Variants in SLC45A1 observed in about 807,000 individuals in gnomAD.
SLC45A1 encodes the protein solute carrier family 45 member 1.
Under a neutral mutation model 57.6 loss-of-function variants are expected in SLC45A1, and 28 were observed. The observed-to-expected ratio is 0.49, with a 90% CI of 0.36 to 0.67. SLC45A1 has a LOEUF of 0.67. Ranked by LOEUF, SLC45A1 falls within the 30% of genes least tolerant of loss-of-function variation. SLC45A1 has a pLI of 0.00. For synonymous variants in SLC45A1, 459 were observed against 471.5 expected, an observed-to-expected ratio of 0.97 and a Z score of 0.34; for missense variants, 814 against 1,041.5, an observed-to-expected ratio of 0.78 and a Z score of 3.01.
At position 8,335,707 on chromosome 1, in the gene SLC45A1, C is replaced by A; in HGVS notation, c.1597+117C>A. On this transcript the variant is annotated intron_variant, in intron 6 of 8. Coordinates refer to ENST00000471889, the MANE Select transcript of SLC45A1 (RefSeq NM_001080397.3). The surrounding 1 kb of genome is among the most constrained non-coding windows in gnomAD (Gnocchi z 4.1). Reference sequence around the variant, plus strand: ...CCAGAACCTTTCTGAGTTCACCAGCCCCCAACAACAGCACCAAGGGCAGGC... The same window carrying A: ...CCAGAACCTTTCTGAGTTCACCAGCACCCAACAACAGCACCAAGGGCAGGC... 8.4e-7 allele frequency: 1 copy of A among 1,186,512 alleles called. No individual in the cohort carries two copies. Among genetic ancestry groups the A allele is most frequent in the Non-Finnish European group, 1.1e-6 (1 of 873,072 alleles). The allele number at this position is 1,186,512 out of a possible 1,614,324, so 73.5% of individuals were successfully genotyped here.
intron 8 of SLC45A1, among the ~76,000 whole-genome samples, chr1:8,342,667 T>G (rs1640863640): frequency 6.6e-6 from 1 of 152,074 alleles, no homozygotes; most frequent in Non-Finnish European, 1.5e-5. Flanking sequence ...GACTTTGAAA[T>G]CTTAAAATGC....
intron 5 of SLC45A1, among the ~76,000 whole-genome samples, chr1:8,333,034 C>T (rs557909928): frequency 6.0e-4 from 92 of 152,236 alleles, no homozygotes; most frequent in African/African-American, 2.2e-3. Flanking sequence ...CTTCACTCGG[C>T]CGCAGACGCA....
chr1:8,341,736 A>G (rs888276656), intron 8 of SLC45A1, among the ~76,000 whole-genome samples: 2 of 150,798 alleles, frequency 1.3e-5, no homozygotes, highest in African/African-American at 4.9e-5. Context: ...CAGCCTGGCC[A>G]ACATGACGAA....
At chr1:8,318,441 G>A (rs1477443513) in intron 1 of SLC45A1, among the ~76,000 whole-genome samples, 1 of 152,246 alleles carries the variant, frequency 6.6e-6, no homozygotes, top group African/African-American at 2.4e-5. Context: ...TTGCTGGCAA[G>A]GGGAGGAGAC....
chr1:8,325,396 T>C lies in SLC45A1; in HGVS notation c.490+6T>C. 6.3e-7 allele frequency: 1 copy of C among 1,590,236 alleles called. No homozygotes were observed. Among genetic ancestry groups the C allele is most frequent in the East Asian group, 2.2e-5 (1 of 44,706 alleles). ...CATTCTTGTCCTGGCTATAGGTCTG[T>C]TGTTTTGGCATGGAAATAAAATGGA... On this transcript the variant is annotated splice_donor_region_variant and intron_variant, in intron 3 of 8. Coordinates refer to ENST00000471889, the MANE Select transcript of SLC45A1 (RefSeq NM_001080397.3). The surrounding 1 kb of genome is among the most constrained non-coding windows in gnomAD (Gnocchi z 6.3).
At position 8,328,043 on chromosome 1, in the gene SLC45A1, T is replaced by TTAAAA. The variant is rs562677623; in HGVS notation, c.715+2014_715+2018dup. 15 of 152,104 alleles carry TTAAAA rather than the reference T, an allele frequency of 9.9e-5. No homozygotes were observed. The East Asian group carries it at 2.7e-3, about 27-fold the overall frequency. The allele number at this position is 152,104 out of a possible 1,614,324, so 9.4% of individuals were successfully genotyped here. A position where few individuals can be genotyped will look rare whatever the true frequency, so the allele number is the denominator to read the frequency against. On this transcript the variant is annotated intron_variant, in intron 4 of 8. Transcript: ENST00000471889. The surrounding 1 kb of genome is among the most constrained non-coding windows in gnomAD (Gnocchi z 4.6). ...GAGACTTCATCTCAAAATAAATAAATTAAAATAAAATAAAATAGCAATTGG... is the reference window on the plus strand; with the variant it reads ...GAGACTTCATCTCAAAATAAATAAATTAAAATAAAATAAAATAAAATAGCAATTGG...
rs1416485575 is a variant in SLC45A1 at position 8,318,154 on chromosome 1, G to C, written c.-57G>C. 4.4e-6 allele frequency: 2 copies of C among 452,072 alleles called. No homozygotes were observed. The highest frequency in any genetic ancestry group is 7.1e-5 in the East Asian group (2 of 28,260). 28.0% of individuals were successfully genotyped at this position (452,072 alleles called of 1,614,324 possible). On this transcript the variant is annotated 5_prime_UTR_variant, in exon 1 of 9. Transcript: ENST00000471889. ...GCGGCCGGGCAGGCAGCAGCCCAGC[G>C]GGGACAGGGATGCCTGCCGTCTCCA...
chr1:8,321,957 A>AAGTGGATGGGTGGATG lies in SLC45A1; in HGVS notation c.-24-2335_-24-2320dup, dbSNP rs1557557266. Among the ~76,000 whole-genome samples, 4 of 54,484 alleles carry AAGTGGATGGGTGGATG rather than the reference A, an allele frequency of 7.3e-5. No individual in the cohort carries two copies. The Admixed American group carries it at 7.9e-4, about 11-fold the overall frequency. 35.7% of individuals were successfully genotyped at this position (54,484 alleles called of 152,430 possible). On this transcript the variant is annotated intron_variant, in intron 1 of 8. Transcript: ENST00000471889. Reference sequence around the variant, plus strand: ...TGGATGGATACGTGGATGGGTGGGCAAGTGGATGGGTGGATGAGTGGATGG... The same window carrying AAGTGGATGGGTGGATG: ...TGGATGGATACGTGGATGGGTGGGCAAGTGGATGGGTGGATGAGTGGATGGGTGGATGAGTGGATGG...
Position 8,344,025 on chromosome 1 carries a change from C to G in SLC45A1, c.*12C>G. The G allele has an allele frequency of 6.3e-7, 1 of 1,599,038 alleles. No individual in the cohort carries two copies. The highest frequency in any genetic ancestry group is 8.5e-7 in the Non-Finnish European group (1 of 1,170,812). ...TGCTGAACGTCTGACATCGCGGAGC[C>G]TCGACTCCGGACACGCGCCTGCACC... On this transcript the variant is annotated 3_prime_UTR_variant, in exon 9 of 9. Transcript: ENST00000471889.
chr1:8,325,786 T>C lies in SLC45A1; in HGVS notation c.491-32T>C, dbSNP rs369624853. On this transcript the variant is annotated intron_variant, in intron 3 of 8. Coordinates refer to ENST00000471889, the MANE Select transcript of SLC45A1 (RefSeq NM_001080397.3). This position sits in a 1 kb window ranked among gnomAD's most constrained non-coding sequence, Gnocchi z 6.3. Reference sequence around the variant, plus strand: ...GCCGGGGACAGAGCTGGTCTGCATTTTCTTGGGGTGACTTTGTTTCTCTGT... The same window carrying C: ...GCCGGGGACAGAGCTGGTCTGCATTCTCTTGGGGTGACTTTGTTTCTCTGT... The C allele has an allele frequency of 6.9e-6, 11 of 1,597,722 alleles. No homozygotes were observed. The African/African-American group carries it at 1.5e-4, about 21-fold the overall frequency.
At chr1:8,341,257 G>C (rs552925580) in intron 8 of SLC45A1, among the ~76,000 whole-genome samples, 6 of 151,498 alleles carry the variant, frequency 4.0e-5, no homozygotes, top group African/African-American at 7.3e-5. Context: ...CTTCACAGCC[G>C]GGTGCGGTGG....
intron 8 of SLC45A1, among the ~76,000 whole-genome samples, chr1:8,341,512 G>A (rs1449488048): frequency 1.3e-5 from 2 of 148,974 alleles, no homozygotes; most frequent in Admixed American, 1.3e-4. Flanking sequence ...TCCAGCCTGG[G>A]CGACAGAGCG....
At chr1:8,337,608 C>T (rs549343947) in intron 6 of SLC45A1, among the ~76,000 whole-genome samples, 20 of 152,198 alleles carry the variant, frequency 1.3e-4, no homozygotes, top group South Asian at 8.3e-4. Context: ...TCAGTAGAGA[C>T]GGGGTTTCAC....
chr1:8,332,554 C>T (rs1296292680), intron 5 of SLC45A1, among the ~76,000 whole-genome samples: 5 of 151,204 alleles, frequency 3.3e-5, no homozygotes, highest in African/African-American at 9.8e-5. Flanking sequence ...CTCTGTTGCC[C>T]AGGCTGGAGT....
At chr1:8,321,493 A>G (rs1640007350) in intron 1 of SLC45A1, among the ~76,000 whole-genome samples, 1 of 152,038 alleles carries the variant, frequency 6.6e-6, no homozygotes, top group Non-Finnish European at 1.5e-5. Flanking sequence ...CCCAACTGTT[A>G]CTCATATCTG....
At chr1:8,331,156 G>A (rs542054321) in intron 5 of SLC45A1, among the ~76,000 whole-genome samples, 9 of 152,244 alleles carry the variant, frequency 5.9e-5, no homozygotes, top group African/African-American at 1.9e-4. Flanking sequence ...CAGGAGGATC[G>A]CTTGAACTCA....
Position 8,325,922 on chromosome 1 carries a change from G to A in SLC45A1, c.595G>A (p.Gly199Ser), listed in dbSNP as rs1383442391. Residue 199 changes from glycine to serine, a missense_variant, in exon 4 of 9, where the codon GGT (glycine) becomes AGT (serine). Gly to Ser is a moderately conservative substitution (Grantham distance 56). Transcript: ENST00000471889. The surrounding 1 kb of genome is among the most constrained non-coding windows in gnomAD (Gnocchi z 6.3). Reference sequence around the variant, plus strand: ...GTGGGGCCTGCTGCTGACCGTGTGCGGTGTGGTGCTGATGGACTTTAGCGC... The same window carrying A: ...GTGGGGCCTGCTGCTGACCGTGTGCAGTGTGGTGCTGATGGACTTTAGCGC... ...HKWGLLLTVC[G>S]VVLMDFSADS... The A allele has an allele frequency of 8.1e-6, 13 of 1,613,884 alleles. No homozygotes were observed. The highest frequency in any genetic ancestry group is 1.7e-5 in the Admixed American group (1 of 60,004).
In SLC45A1 at chr1:8,319,660, T is replaced by C. The variant is rs76033051; in HGVS notation, c.-25+1474T>C. ...TGTGCATGAAAATTAGATTTTATGA[T>C]CTTAAATTCCACTTTCACCCATTTT... is the stretch of plus-strand genomic sequence containing the variant. On this transcript the variant is annotated intron_variant, in intron 1 of 8. Transcript: ENST00000471889. Among the ~76,000 whole-genome samples the C allele has an allele frequency of 3.3e-3, 510 of 152,284 alleles. 5 individuals are homozygous for C. The highest frequency in any genetic ancestry group is 0.012 in the African/African-American group (489 of 41,564).
intron 1 of SLC45A1, among the ~76,000 whole-genome samples, 176 bp from the exon 2 acceptor site, chr1:8,324,121 TTTGGCCTCC>T (rs1214422436): frequency 3.3e-5 from 5 of 152,052 alleles, no homozygotes; most frequent in Non-Finnish European, 2.9e-5. Flanking sequence ...GGCACTGGGC[TTTGGCCTCC>T]TGGGGCAGAG....
Sources: gnomAD v4.1 joint callset for allele counts (sites outside exome capture counted in the v4.1 genomes callset) on GRCh38, gnomAD v4.1.1 for gene constraint, Gnocchi (gnomAD v3.1) non-coding constraint, MANE v1.5 for transcripts, NCBI Gene and HGNC (gene_info 2026-07-23, HGNC 2026-07-21) for gene names.